Variants in GHR observed in about 807,000 individuals in gnomAD.
GHR encodes growth hormone receptor, also known as GH receptor.
Under a neutral mutation model 67.1 loss-of-function variants are expected in GHR, and 35 were observed. That is an observed-to-expected ratio of 0.52 (90% CI 0.40 to 0.69). The LOEUF is 0.69. Ranked by LOEUF, GHR falls within the 30% of genes least tolerant of loss-of-function variation. GHR has a pLI of 0.00. For synonymous variants in GHR, 272 were observed against 269.1 expected, an observed-to-expected ratio of 1.01 and a Z score of -0.10; for missense variants, 792 against 764.6, an observed-to-expected ratio of 1.04 and a Z score of -0.42.
chr5:42,661,468 G>T (rs1192799463), intron 3 of GHR, among the ~76,000 whole-genome samples: 3 of 152,270 alleles, frequency 2.0e-5, no homozygotes, highest in East Asian at 3.9e-4. Context: ...TTAAAGAAAA[G>T]AATTTTCAAC....
At chr5:42,457,081 C>T (rs534912379) in intron 1 of GHR, among the ~76,000 whole-genome samples, 86 of 152,184 alleles carry the variant, frequency 5.7e-4, no homozygotes, top group African/African-American at 2.0e-3. Context: ...TCGCTTCTTC[C>T]TGTGATTTAC....
At chr5:42,575,131 G>T (rs892470475) in intron 2 of GHR, among the ~76,000 whole-genome samples, 2 of 152,156 alleles carry the variant, frequency 1.3e-5, no homozygotes, top group African/African-American at 4.8e-5. Flanking sequence ...AGTAAAGGGA[G>T]CTATGGAGGA....
At chr5:42,539,459 A>G (rs959230162) in intron 1 of GHR, among the ~76,000 whole-genome samples, 1 of 152,158 alleles carries the variant, frequency 6.6e-6, no homozygotes, top group African/African-American at 2.4e-5. Context: ...TAGCCACACA[A>G]CCAGTCTACC....
intron 2 of GHR, among the ~76,000 whole-genome samples, chr5:42,568,289 C>T (rs776774340): frequency 2.0e-5 from 3 of 152,134 alleles, no homozygotes; most frequent in Non-Finnish European, 1.5e-5. Flanking sequence ...TGAACAGTGC[C>T]GTTATTGTGT....
At chr5:42,506,456 C>T (rs1432256815) in intron 1 of GHR, among the ~76,000 whole-genome samples, 1 of 152,158 alleles carries the variant, frequency 6.6e-6, no homozygotes, top group Admixed American at 6.5e-5. Context: ...TTTAACAATG[C>T]TCACCCTACC....
intron 1 of GHR, among the ~76,000 whole-genome samples, chr5:42,551,864 T>G (rs747485049): frequency 6.6e-6 from 1 of 152,190 alleles, no homozygotes; most frequent in Non-Finnish European, 1.5e-5. Flanking sequence ...GAGAGTAAAG[T>G]TTTAACTGGT....
At chr5:42,578,765 C>G (rs995007009) in intron 2 of GHR, among the ~76,000 whole-genome samples, 1 of 152,090 alleles carries the variant, frequency 6.6e-6, no homozygotes, top group Non-Finnish European at 1.5e-5. Flanking sequence ...GGTATCAAAT[C>G]TAAATGAGCA....
At chr5:42,428,231 A>G (rs1742938953) in intron 1 of GHR, among the ~76,000 whole-genome samples, 1 of 152,070 alleles carries the variant, frequency 6.6e-6, no homozygotes. Context: ...CAGGACCAAC[A>G]CCACATGGAA....
intron 1 of GHR, among the ~76,000 whole-genome samples, chr5:42,474,325 G>GA (rs371532332): frequency 6.0e-4 from 80 of 132,446 alleles, no homozygotes; most frequent in South Asian, 3.2e-3. Flanking sequence ...AAGAAAGAAA[G>GA]AAAGAAAGAA....
At chr5:42,576,117 ATAAAATAAAATAAAAT>A (rs1750705857) in intron 2 of GHR, among the ~76,000 whole-genome samples, 1 of 121,176 alleles carries the variant, frequency 8.3e-6, no homozygotes, top group East Asian at 2.1e-4. Context: ...ATAAAATAAA[ATAAAATAAAATAAAAT>A]AAAATAAAAT....
chr5:42,687,409 G>A (rs371825010), intron 3 of GHR, among the ~76,000 whole-genome samples: 1 of 152,154 alleles, frequency 6.6e-6, no homozygotes, highest in Non-Finnish European at 1.5e-5. Flanking sequence ...CACGCTACCT[G>A]ACCCAGCTTA....
intron 1 of GHR, among the ~76,000 whole-genome samples, chr5:42,492,757 C>A (rs1746167312): frequency 6.6e-6 from 1 of 152,130 alleles, no homozygotes; most frequent in African/African-American, 2.4e-5. Context: ...GGTATCACAG[C>A]TTAAAGGTAC....
At chr5:42,472,790 C>A (rs1363380011) in intron 1 of GHR, among the ~76,000 whole-genome samples, 1 of 152,108 alleles carries the variant, frequency 6.6e-6, no homozygotes, top group East Asian at 1.9e-4. Context: ...GCCAGATGAA[C>A]AAGCTCCTGA....
At chr5:42,536,657 A>G (rs1262998263) in intron 1 of GHR, among the ~76,000 whole-genome samples, 1 of 152,010 alleles carries the variant, frequency 6.6e-6, no homozygotes, top group African/African-American at 2.4e-5. Flanking sequence ...TGGTTTTGGT[A>G]TTAGGGTGAT....
intron 3 of GHR, among the ~76,000 whole-genome samples, chr5:42,637,378 G>A (rs1245079018): frequency 1.3e-5 from 2 of 152,034 alleles, no homozygotes; most frequent in African/African-American, 4.8e-5. Flanking sequence ...TGTCTCTGAG[G>A]TTTGGTGTAC....
intron 1 of GHR, among the ~76,000 whole-genome samples, chr5:42,533,450 C>T (rs984193039): frequency 4.1e-4 from 62 of 151,818 alleles, no homozygotes; most frequent in Admixed American, 3.0e-3. Context: ...TTTTAACACA[C>T]GTGATTTTTA....
chr5:42,581,324 CTTG>C (rs1190507796), intron 2 of GHR, among the ~76,000 whole-genome samples: 1 of 152,102 alleles, frequency 6.6e-6, no homozygotes, highest in African/African-American at 2.4e-5. Flanking sequence ...TACTTGCAAG[CTTG>C]TTGTGAGGAT....
At position 42,524,239 on chromosome 5, in the gene GHR, A is replaced by G. The variant is rs978958663; in HGVS notation, c.-11-41625A>G. Among the ~76,000 whole-genome samples, 9 of 152,192 alleles carry G rather than the reference A, an allele frequency of 5.9e-5. 1 individual carries two copies. The highest frequency in any genetic ancestry group is 6.3e-3 in the Middle Eastern group (2 of 316). On this transcript the variant is annotated intron_variant, in intron 1 of 9. Transcript: ENST00000230882. Reference sequence around the variant, plus strand: ...CCTAGGGACTTATTGAATAACTTTGACCCAACAGCCTGATAACGATATGGA... The same window carrying G: ...CCTAGGGACTTATTGAATAACTTTGGCCCAACAGCCTGATAACGATATGGA...
chr5:42,442,540 A>G (rs1743624926), intron 1 of GHR, among the ~76,000 whole-genome samples: 1 of 152,106 alleles, frequency 6.6e-6, no homozygotes, highest in Non-Finnish European at 1.5e-5. Context: ...GGAGAAGGAG[A>G]GTATAGAGAT....
Sources: gnomAD v4.1 joint callset for allele counts (sites outside exome capture counted in the v4.1 genomes callset) on GRCh38, gnomAD v4.1.1 for gene constraint, MANE v1.5 for transcripts, NCBI Gene and HGNC (gene_info 2026-07-23, HGNC 2026-07-21) for gene names.